EXT1: variants seen among roughly 807,000 people sequenced by gnomAD.
EXT1 encodes the protein exostosin glycosyltransferase 1, also known as exostosin-1.
Under a neutral mutation model 82.5 loss-of-function variants are expected in EXT1, and 20 were observed. The observed-to-expected ratio is 0.24, with a 90% CI of 0.17 to 0.35. EXT1 has a LOEUF of 0.35. EXT1 is among the 10% of genes least tolerant of loss of function. EXT1 has a pLI of 1.00. For synonymous variants in EXT1, 348 were observed against 350.8 expected, an observed-to-expected ratio of 0.99 and a Z score of 0.09; for missense variants, 757 against 936.5, an observed-to-expected ratio of 0.81 and a Z score of 2.50.
Position 117,925,112 on chromosome 8 carries a change from G to T in EXT1, c.963-87911C>A, listed in dbSNP as rs574168751. Among the ~76,000 whole-genome samples the T allele has an allele frequency of 2.6e-5, 4 of 152,214 alleles. No homozygotes were observed. In the South Asian group the frequency reaches 8.3e-4, roughly 32 times the overall value. Reference sequence around the variant, plus strand: ...ATAATGCTATCCCAATCCCAATCCCGCAGATTCTAAAGTGGGTATCTTTAG... The same window carrying T: ...ATAATGCTATCCCAATCCCAATCCCTCAGATTCTAAAGTGGGTATCTTTAG... On this transcript the variant is annotated intron_variant, in intron 1 of 10. Transcript: ENST00000378204.
rs538520140 is a variant in EXT1 at position 117,929,550 on chromosome 8, C to A, written c.963-92349G>T. 3.3e-5 allele frequency among the ~76,000 whole-genome samples: 5 copies of A among 152,264 alleles called. No individual in the cohort carries two copies. In the East Asian group the frequency reaches 9.7e-4, roughly 29 times the overall value. ...ATGAATGAACCAATGAAAATTAGTG[C>A]CCTCCTCCTCCAAAACCAAAGAATC... On this transcript the variant is annotated intron_variant, in intron 1 of 10. Transcript: ENST00000378204.
In EXT1 at chr8:117,919,203, T is replaced by C. The variant is rs147109979; in HGVS notation, c.963-82002A>G. ...GAAGACATCTGAGGTGTTTTTTTTT[T>C]TGGAGACAAGGTGTCATTTTGTCAC... is the stretch of plus-strand genomic sequence containing the variant. On this transcript the variant is annotated intron_variant, in intron 1 of 10. Transcript: ENST00000378204. Among the ~76,000 whole-genome samples the C allele has an allele frequency of 7.4e-4, 112 of 152,198 alleles. 2 individuals carry two copies. Among genetic ancestry groups the C allele is most frequent in the African/African-American group, 2.4e-3 (101 of 41,516 alleles).
At chr8:118,001,442 C>T (rs1247766044) in intron 1 of EXT1, among the ~76,000 whole-genome samples, 1 of 152,066 alleles carries the variant, frequency 6.6e-6, no homozygotes, top group African/African-American at 2.4e-5. Context: ...GCCTCAGCTT[C>T]CCAAAGTGCT....
intron 1 of EXT1, among the ~76,000 whole-genome samples, chr8:117,956,338 C>A (rs1322641555): frequency 6.6e-6 from 1 of 152,108 alleles, no homozygotes; most frequent in African/African-American, 2.4e-5. Flanking sequence ...CTTGAATTTC[C>A]TGACTACTGG....
intron 1 of EXT1, among the ~76,000 whole-genome samples, chr8:118,045,390 C>T (rs986496360): frequency 1.3e-5 from 2 of 152,136 alleles, no homozygotes; most frequent in African/African-American, 2.4e-5. Flanking sequence ...ACATAAAAGA[C>T]AGATGGGATG....
intron 1 of EXT1, among the ~76,000 whole-genome samples, chr8:117,846,721 C>T (rs1812368072): frequency 6.6e-6 from 1 of 152,138 alleles, no homozygotes; most frequent in Non-Finnish European, 1.5e-5. Context: ...GGCTCTAAGC[C>T]AATGGGACTG....
At chr8:117,969,316 C>T (rs1033504232) in intron 1 of EXT1, among the ~76,000 whole-genome samples, 10 of 152,156 alleles carry the variant, frequency 6.6e-5, no homozygotes, top group Non-Finnish European at 1.2e-4. Flanking sequence ...TATTTCTTAA[C>T]GGAATTGAAC....
intron 1 of EXT1, among the ~76,000 whole-genome samples, chr8:117,890,380 T>C (rs1202343489): frequency 6.6e-6 from 1 of 152,202 alleles, no homozygotes; most frequent in East Asian, 1.9e-4. Flanking sequence ...TTCTGGTATC[T>C]AGTGGGTAGA....
chr8:117,904,565 A>C (rs554334409), intron 1 of EXT1, among the ~76,000 whole-genome samples: 1 of 152,278 alleles, frequency 6.6e-6, no homozygotes, highest in South Asian at 2.1e-4. Flanking sequence ...ATATATGATA[A>C]ATGCTAGGAT....
chr8:117,850,123 G>A (rs903128664), intron 1 of EXT1, among the ~76,000 whole-genome samples: 4 of 152,310 alleles, frequency 2.6e-5, no homozygotes, highest in Non-Finnish European at 4.4e-5. Context: ...TCTTGGCTAC[G>A]GGGCCCTTAA....
At chr8:117,965,423 A>G (rs1235907936) in intron 1 of EXT1, among the ~76,000 whole-genome samples, 1 of 152,100 alleles carries the variant, frequency 6.6e-6, no homozygotes, top group East Asian at 1.9e-4. Context: ...ATTTCCATTT[A>G]GTGTTTCAAT....
intron 1 of EXT1, among the ~76,000 whole-genome samples, chr8:117,906,741 G>A (rs1436160397): frequency 6.6e-6 from 1 of 152,108 alleles, no homozygotes; most frequent in Non-Finnish European, 1.5e-5. Context: ...TGTCTTACAG[G>A]GAAAGCAGTT....
chr8:118,048,517 C>T (rs17505610), intron 1 of EXT1, among the ~76,000 whole-genome samples: 1,832 of 152,206 alleles, frequency 0.012, 41 homozygotes, highest in African/African-American at 0.042. Context: ...TTTACCCTTT[C>T]AAATCAATTT....
chr8:117,881,555 AG>A (rs999372029), intron 1 of EXT1, among the ~76,000 whole-genome samples: 1 of 152,190 alleles, frequency 6.6e-6, no homozygotes, highest in African/African-American at 2.4e-5. Flanking sequence ...ACTTGAGTCA[AG>A]GGGTAAAGCA....
intron 1 of EXT1, among the ~76,000 whole-genome samples, chr8:118,043,574 A>C (rs1190233309): frequency 6.6e-6 from 1 of 152,208 alleles, no homozygotes; most frequent in Admixed American, 6.5e-5. Flanking sequence ...CATCATGTCC[A>C]CTAAGGGTAA....
At chr8:117,814,228 C>A (rs1170959158) in intron 7 of EXT1, among the ~76,000 whole-genome samples, 2 of 112,862 alleles carry the variant, frequency 1.8e-5, no homozygotes, top group African/African-American at 6.1e-5. Context: ...CGTGTGCACA[C>A]ACAGTGGTGT....
chr8:117,854,267 A>G (rs772336959), intron 1 of EXT1, among the ~76,000 whole-genome samples: 2 of 152,176 alleles, frequency 1.3e-5, no homozygotes, highest in Non-Finnish European at 2.9e-5. Context: ...ATTTTCATCC[A>G]TCTGCCTCCT....
At chr8:117,822,916 C>T (rs1181345566) in intron 4 of EXT1, among the ~76,000 whole-genome samples, 1 of 152,116 alleles carries the variant, frequency 6.6e-6, no homozygotes, top group Non-Finnish European at 1.5e-5. Flanking sequence ...GTTAGTCTTT[C>T]CCTGATGGTT....
At chr8:117,905,937 C>T (rs1005033974) in intron 1 of EXT1, among the ~76,000 whole-genome samples, 3 of 152,230 alleles carry the variant, frequency 2.0e-5, no homozygotes, top group African/African-American at 7.2e-5. Flanking sequence ...CAAGCCCCTC[C>T]GCTTGCTGAT....
Sources: gnomAD v4.1 joint callset for allele counts (sites outside exome capture counted in the v4.1 genomes callset) on GRCh38, gnomAD v4.1.1 for gene constraint, MANE v1.5 for transcripts, NCBI Gene and HGNC (gene_info 2026-07-23, HGNC 2026-07-21) for gene names.